Variants in ALG9 observed in about 807,000 individuals in gnomAD.
ALG9 encodes alpha-1,2-mannosyltransferase ALG9.
ALG9 carries 55 observed loss-of-function variants against 81.8 expected under a neutral mutation model. That is an observed-to-expected ratio of 0.67 (90% CI 0.54 to 0.84). The LOEUF is 0.84. ALG9 is among the 40% of genes least tolerant of loss of function. ALG9 has a pLI of 0.00. For missense variants in ALG9, 629 were observed against 745.0 expected (o/e 0.84, Z 1.81); for synonymous variants, 278 against 274.3 (o/e 1.01, Z -0.13).
chr11:111,869,080 C>T (rs1963442773), intron 2 of ALG9, among the ~76,000 whole-genome samples: 1 of 152,154 alleles, frequency 6.6e-6, no homozygotes, highest in Non-Finnish European at 1.5e-5. Flanking sequence ...CTAGATCATG[C>T]CACTGCACTC....
At chr11:111,826,997 C>T (rs548939797) in intron 13 of ALG9, among the ~76,000 whole-genome samples, 49 of 152,230 alleles carry the variant, frequency 3.2e-4, no homozygotes, top group East Asian at 1.3e-3. Flanking sequence ...TTTCTAGCAG[C>T]TCTTATTTCC....
Position 111,838,301 on chromosome 11 carries a change from AG to A in ALG9, c.1271del (p.Thr424MetfsTer48). On this transcript the variant is annotated frameshift_variant, in exon 11 of 15. Coordinates refer to ENST00000616540, the MANE Select transcript of ALG9 (RefSeq NM_024740.2). LOFTEE classifies it high-confidence loss of function. ...TVTSNWLALG[T>X]VFLFGLLSFS... ...ATGACAAGAGCCCAAACAGGAAGAC[AG>A]TTCCTAATGCCAGCCAATTCGATGT... 1 of 1,614,220 alleles carries A rather than the reference AG, an allele frequency of 6.2e-7. No individual in the cohort carries two copies. Among genetic ancestry groups the A allele is most frequent in the Non-Finnish European group, 8.5e-7 (1 of 1,180,018 alleles).
chr11:111,823,378 T>C (rs1056439783), intron 13 of ALG9, among the ~76,000 whole-genome samples: 6 of 152,226 alleles, frequency 3.9e-5, no homozygotes, highest in Admixed American at 2.6e-4. Flanking sequence ...TACATTTCCA[T>C]ATTAAAAGCC....
At chr11:111,825,810 G>A (rs549162642) in intron 13 of ALG9, among the ~76,000 whole-genome samples, 1 of 152,202 alleles carries the variant, frequency 6.6e-6, no homozygotes, top group African/African-American at 2.4e-5. Flanking sequence ...CACTTTGGGA[G>A]GCCAAGGTGG....
chr11:111,780,730 C>T (rs181443759), downstream of ALG9, among the ~76,000 whole-genome samples: 10 of 150,262 alleles, frequency 6.7e-5, no homozygotes, highest in Admixed American at 5.3e-4. Flanking sequence ...TAATCCATGC[C>T]AAGTTGAGAG....
At chr11:111,792,041 C>T (rs782701665) in intron 14 of ALG9, among the ~76,000 whole-genome samples, 4 of 152,218 alleles carry the variant, frequency 2.6e-5, no homozygotes, top group Non-Finnish European at 5.9e-5. Context: ...CAAGATTGTG[C>T]CACTGCACTC....
intron 1 of ALG9, among the ~76,000 whole-genome samples, chr11:111,870,579 G>T (rs1964016271): frequency 6.6e-6 from 1 of 152,056 alleles, no homozygotes; most frequent in African/African-American, 2.4e-5. Flanking sequence ...TTATGAGATA[G>T]GGTCTTGCTA....
Position 111,853,440 on chromosome 11 carries a change from T to C in ALG9, c.835A>G (p.Ile279Val), listed in dbSNP as rs1555140664. 1 of 1,613,952 alleles carries C rather than the reference T, an allele frequency of 6.2e-7. No individual in the cohort carries two copies. ...TACAAAACAATGTTGAGTGGTGCAA[T>C]CACCAACTTCCCATAATAGTAGCTG... The part of the protein sequence containing the change: ...IDSYYYGKLV[I>V]APLNIVLYNV... Residue 279 changes from isoleucine (I) to valine (V), a missense_variant, in exon 8 of 15, where the codon ATT (isoleucine) becomes GTT (valine). Ile to Val is a conservative substitution (Grantham distance 29). Transcript: ENST00000616540.
intron 2 of ALG9, 119 bp downstream of exon 2, chr11:111,870,113 T>C (rs1555156926): frequency 1.6e-6 from 2 of 1,213,630 alleles, no homozygotes; most frequent in Admixed American, 3.2e-5. Flanking sequence ...TTTTTTTTTT[T>C]AAGAAAATAC....
At chr11:111,838,215 T>C in intron 11 of ALG9, 34 bp downstream of exon 11, 4 of 1,612,812 alleles carry the variant, frequency 2.5e-6, no homozygotes, top group Non-Finnish European at 2.5e-6. Context: ...AAGTGACTCG[T>C]CAGTGTAGGT....
chr11:111,829,842 C>G lies in ALG9; in HGVS notation c.1602+6323G>C, dbSNP rs186900829. Among the ~76,000 whole-genome samples the G allele has an allele frequency of 9.2e-5, 14 of 152,314 alleles. No homozygotes were observed. The East Asian group carries it at 2.5e-3, about 27-fold the overall frequency. ...GAGCGGGACACAGCACAGAGTAAGC[C>G]TCTAACAGTACTCATCTCTTCCAGG... is the stretch of plus-strand genomic sequence containing the variant. On this transcript the variant is annotated intron_variant, in intron 13 of 14. Transcript: ENST00000616540.
intron 1 of ALG9, chr11:111,871,057 T>C: frequency 2.6e-6 from 3 of 1,144,548 alleles, no homozygotes; most frequent in Non-Finnish European, 3.2e-6. Context: ...GGTATACTCT[T>C]TGATCCTGTC....
chr11:111,795,274 G>A (rs1412639833), intron 14 of ALG9, among the ~76,000 whole-genome samples: 1 of 152,110 alleles, frequency 6.6e-6, no homozygotes, highest in Non-Finnish European at 1.5e-5. Context: ...CTTCCACAAG[G>A]AAAAGGAAAT....
rs1964239585 is a variant in ALG9, at chr11:111,871,357, C to T, written c.126G>A (p.Arg42=). 2.6e-6 allele frequency: 4 copies of T among 1,530,062 alleles called. No homozygotes were observed. Among genetic ancestry groups the T allele is most frequent in the Non-Finnish European group, 3.5e-6 (4 of 1,144,348 alleles). 94.8% of individuals were successfully genotyped at this position (1,530,062 alleles called of 1,614,324 possible). Reference sequence around the variant, plus strand: ...CTGCCGCGCCGCACACGTACTCGGTCCGGTGCTCCGCGCCGCCCGCCTCTC... The same window carrying T: ...CTGCCGCGCCGCACACGTACTCGGTTCGGTGCTCCGCGCCGCCCGCCTCTC... The part of the protein sequence containing the change: ...GSREAGGAEH[R]TELSGNKAGQ... The change falls in exon 1 of 15, where the codon CGG becomes CGA. Residue 42 remains arginine (R), a synonymous_variant. Transcript: ENST00000616540.
At chr11:111,822,332 C>A (rs1274601301) in intron 13 of ALG9, among the ~76,000 whole-genome samples, 2 of 140,294 alleles carry the variant, frequency 1.4e-5, no homozygotes, top group Non-Finnish European at 3.0e-5. Context: ...TCGCTTAAGC[C>A]TGGGAGGTCA....
intron 4 of ALG9, among the ~76,000 whole-genome samples, chr11:111,862,658 T>A (rs1461600917): frequency 1.3e-5 from 2 of 151,334 alleles, no homozygotes; most frequent in African/African-American, 4.8e-5. Flanking sequence ...GAATGTCTAA[T>A]CTGCTGTTTA....
chr11:111,864,739 T>C (rs1309360720), intron 4 of ALG9, among the ~76,000 whole-genome samples: 1 of 152,080 alleles, frequency 6.6e-6, no homozygotes, highest in African/African-American at 2.4e-5. Context: ...ATGTATATGA[T>C]ATATATATCA....
intron 13 of ALG9, chr11:111,814,776 A>G (rs1365615178): frequency 6.6e-6 from 1 of 152,064 alleles, no homozygotes; most frequent in East Asian, 1.9e-4. Context: ...ATTCCACATA[A>G]CTCTCTAAAA....
chr11:111,792,712 G>A (rs1184294378), intron 14 of ALG9, among the ~76,000 whole-genome samples: 3 of 152,142 alleles, frequency 2.0e-5, no homozygotes, highest in African/African-American at 7.2e-5. Context: ...TTCTAGTTAA[G>A]ACAGAACACA....
Sources: gnomAD v4.1 joint callset for allele counts (sites outside exome capture counted in the v4.1 genomes callset) on GRCh38, gnomAD v4.1.1 for gene constraint, MANE v1.5 for transcripts, NCBI Gene and HGNC (gene_info 2026-07-23, HGNC 2026-07-21) for gene names.